ABCC5: variants seen among roughly 807,000 people sequenced by gnomAD.
ABCC5 encodes ATP binding cassette subfamily C member 5, also known as ATP-binding cassette sub-family C member 5.
Under a neutral mutation model 160.9 loss-of-function variants are expected in ABCC5, and 61 were observed. That is an observed-to-expected ratio of 0.38 (90% confidence interval 0.31 to 0.47). ABCC5 has a LOEUF of 0.47. ABCC5 is among the 20% of genes least tolerant of loss of function. The probability of loss-of-function intolerance (pLI) is 0.99; values close to 1 mark genes in which losing one functional copy is unlikely to be tolerated. For missense variants in ABCC5, 1,308 were observed against 1,813.3 expected, an observed-to-expected ratio of 0.72 and a Z score of 5.06; for synonymous variants, 666 against 700.6, an observed-to-expected ratio of 0.95 and a Z score of 0.78.
At position 183,945,872 on chromosome 3, in the gene ABCC5, T is replaced by C; in HGVS notation, c.3482A>G (p.Glu1161Gly). 1 of 1,614,006 alleles carries C rather than the reference T, an allele frequency of 6.2e-7. No homozygotes were observed. The highest frequency in any genetic ancestry group is 8.5e-7 in the Non-Finnish European group (1 of 1,179,960). The change falls in exon 24 of 30, where the codon GAG becomes GGG. Residue 1161 changes from glutamate (E) to glycine (G), a missense_variant. Coordinates refer to ENST00000334444, the MANE Select transcript of ABCC5 (RefSeq NM_005688.4). The stretch of plus-strand genomic sequence containing the variant: ...GACCTTAATGTAGTGATTGATCCTC[T>C]CCACCGAGGTGAATCGAGCTTCTGT... ...SETEARFTSV[E>G]RINHYIKTLS...
chr3:183,952,750 A>G (rs1715496545), intron 18 of ABCC5, among the ~76,000 whole-genome samples: 2 of 152,146 alleles, frequency 1.3e-5, no homozygotes, highest in South Asian at 4.1e-4. Context: ...CTCCCCAGTT[A>G]TGTGGAACTG....
chr3:183,989,157 CAAAAAAAAAAAAAA>C (rs34892836), intron 3 of ABCC5, 55 bp downstream of exon 3: 17,175 of 570,344 alleles, frequency 0.03, 405 homozygotes, highest in Non-Finnish European at 0.032. Flanking sequence ...GACTCCATCT[CAAAAAAAAAAAAAA>C]AAAAAAAAAA....
chr3:183,948,983 C>T (rs966313644), intron 22 of ABCC5, among the ~76,000 whole-genome samples: 6 of 152,278 alleles, frequency 3.9e-5, no homozygotes, highest in Non-Finnish European at 4.4e-5. Flanking sequence ...GCATTACAGG[C>T]GGGAGCCACT....
At chr3:183,990,146 T>C (rs1719621068) in intron 2 of ABCC5, among the ~76,000 whole-genome samples, 1 of 151,984 alleles carries the variant, frequency 6.6e-6, no homozygotes, top group Admixed American at 6.6e-5. Flanking sequence ...TCTCGCTCTG[T>C]TGCCCAGGCC....
At chr3:184,002,647 T>C (rs1219584543) in intron 2 of ABCC5, among the ~76,000 whole-genome samples, 1 of 152,116 alleles carries the variant, frequency 6.6e-6, no homozygotes, top group Non-Finnish European at 1.5e-5. Flanking sequence ...TCTCCAGCTG[T>C]CCCATCTCAT....
chr3:183,922,655 C>T (rs1712119995), intron 29 of ABCC5, among the ~76,000 whole-genome samples: 2 of 152,238 alleles, frequency 1.3e-5, no homozygotes, highest in Admixed American at 1.3e-4. Flanking sequence ...CAGAACCCAC[C>T]TCCTGTGGCA....
intron 10 of ABCC5, among the ~76,000 whole-genome samples, chr3:183,973,909 A>G (rs987668239): frequency 8.5e-5 from 13 of 152,146 alleles, no homozygotes; most frequent in African/African-American, 2.9e-4. Context: ...TCAATGAACT[A>G]TTAAGAAACA....
chr3:183,936,342 T>C (rs775533430), intron 26 of ABCC5, among the ~76,000 whole-genome samples: 10 of 152,154 alleles, frequency 6.6e-5, no homozygotes, highest in Admixed American at 5.9e-4. Context: ...TGTTGGTATA[T>C]ACAGCAGCCT....
intron 26 of ABCC5, 75 bp from the exon 27 acceptor site, chr3:183,928,900 G>A: frequency 8.1e-7 from 1 of 1,229,456 alleles, no homozygotes; most frequent in South Asian, 1.2e-5. Flanking sequence ...TGTGGAAGAT[G>A]TTTAACACAC....
intron 12 of ABCC5, among the ~76,000 whole-genome samples, chr3:183,966,640 T>C (rs1056527442): frequency 6.6e-6 from 1 of 152,070 alleles, no homozygotes; most frequent in African/African-American, 2.4e-5. Flanking sequence ...CCTCCAAATC[T>C]GGTTGGTCAT....
intron 24 of ABCC5, among the ~76,000 whole-genome samples, chr3:183,943,660 C>T (rs1446231734): frequency 6.6e-6 from 1 of 152,100 alleles, no homozygotes; most frequent in Non-Finnish European, 1.5e-5. Flanking sequence ...GACTGTAGCA[C>T]TCTGGGGGGT....
chr3:183,969,304 G>A (rs144750476), intron 11 of ABCC5, among the ~76,000 whole-genome samples: 38 of 152,290 alleles, frequency 2.5e-4, no homozygotes, highest in African/African-American at 7.7e-4. Context: ...TTAGCTGCAC[G>A]TGTGGAATCA....
chr3:183,955,351 A>G (rs1405789766), intron 17 of ABCC5, among the ~76,000 whole-genome samples: 1 of 152,084 alleles, frequency 6.6e-6, no homozygotes, highest in Non-Finnish European at 1.5e-5. Context: ...CAGTCTTAGG[A>G]TCTCTATATA....
At chr3:183,928,628 G>A (rs950937521) in intron 27 of ABCC5, 119 bp downstream of exon 27, 37 of 842,780 alleles carry the variant, frequency 4.4e-5, no homozygotes, top group Middle Eastern at 3.6e-4. Flanking sequence ...GCCCTGCCAC[G>A]AAGCCTTTGT....
At chr3:183,985,329 C>G in intron 5 of ABCC5, 41 of 1,614,018 alleles carry the variant, frequency 2.5e-5, no homozygotes, top group Non-Finnish European at 3.5e-5. Context: ...GAGATTCTGC[C>G]CAGCTTGACT....
intron 2 of ABCC5, among the ~76,000 whole-genome samples, chr3:183,989,710 A>G (rs777630443): frequency 7.9e-5 from 12 of 151,640 alleles, no homozygotes; most frequent in Non-Finnish European, 1.8e-4. Flanking sequence ...TATTATTAAC[A>G]TCTTCCATTA....
intron 29 of ABCC5, among the ~76,000 whole-genome samples, chr3:183,922,807 C>T (rs1300310415): frequency 2.2e-5 from 3 of 135,100 alleles, no homozygotes; most frequent in Admixed American, 1.6e-4. Flanking sequence ...GGACAGGCCA[C>T]AAGGAGAACA....
intron 2 of ABCC5, chr3:184,010,055 C>A: frequency 2.8e-6 from 1 of 357,200 alleles, no homozygotes; most frequent in Non-Finnish European, 5.6e-6. Context: ...GCCTGTAATC[C>A]CAGTACTTTG....
At position 183,921,989 on chromosome 3, in the gene ABCC5, C is replaced by CCACTG. The variant is rs1712024296; in HGVS notation, c.4213-593_4213-589dup. ...GAGGTTGCAGTGAACTGAGATTGTA[C>CCACTG]CACTGCATGCCAGGCTGGGCGACAC... is the stretch of plus-strand genomic sequence containing the variant. On this transcript the variant is annotated intron_variant, in intron 29 of 29. Transcript: ENST00000334444. The surrounding 1 kb of genome is among the most constrained non-coding windows in gnomAD (Gnocchi z 4.1). Among the ~76,000 whole-genome samples the CCACTG allele has an allele frequency of 6.6e-6, 1 of 151,400 alleles. No homozygotes were observed. The highest frequency in any genetic ancestry group is 6.6e-5 in the Admixed American group (1 of 15,198).
Sources: allele counts gnomAD v4.1 joint callset (sites outside exome capture counted in the v4.1 genomes callset), GRCh38; gene constraint gnomAD v4.1.1; non-coding constraint Gnocchi (gnomAD v3.1); transcripts MANE v1.5; gene names NCBI Gene and HGNC (gene_info 2026-07-23, HGNC 2026-07-21).